TACC3: variants seen among roughly 807,000 people sequenced by gnomAD.
TACC3 encodes the protein transforming acidic coiled-coil-containing protein 3.
In TACC3, 52 loss-of-function variants were observed where a neutral mutation model predicts 86.0. That is an observed-to-expected ratio of 0.60 (90% CI 0.48 to 0.76). TACC3 has a LOEUF of 0.76. Among genes scored for constraint, TACC3 ranks in the 30% least tolerant of loss-of-function variants. The pLI, the probability that TACC3 is intolerant of heterozygous loss-of-function variation, is 0.00. For synonymous variants in TACC3, 512 were observed against 430.0 expected (o/e 1.19, Z -2.36); for missense variants, 1,120 against 1,070.4 (o/e 1.05, Z -0.65).
chr4:1,720,636 G>C, upstream of TACC3: 1 of 1,539,426 alleles, frequency 6.5e-7, no homozygotes, highest in Admixed American at 2.0e-5. The surrounding 1 kb of genome is among the most constrained non-coding windows in gnomAD (Gnocchi z 4.4). Context: ...GCCTCACCGA[G>C]CGGCAGCAGC....
rs1263785970 is a variant in TACC3 at position 1,744,606 on chromosome 4, CGGA to C, written c.2317_2319del (p.Glu773del). The C allele has an allele frequency of 7.4e-6, 12 of 1,613,002 alleles. No individual in the cohort carries two copies. Among genetic ancestry groups the C allele is most frequent in the Non-Finnish European group, 1.0e-5 (12 of 1,179,990 alleles). Reference sequence around the variant, plus strand: ...AGGTACCAAGCCCTGAAGGCCCACGCGGAGGAGAAGCTGCAGCTGTGAGTGCTG... The same window carrying C: ...AGGTACCAAGCCCTGAAGGCCCACGCGGAGAAGCTGCAGCTGTGAGTGCTG... On this transcript the variant is annotated inframe_deletion, in exon 14 of 16. Coordinates refer to ENST00000313288, the MANE Select transcript of TACC3 (RefSeq NM_006342.3).
intron 3 of TACC3, among the ~76,000 whole-genome samples, chr4:1,727,244 G>C (rs1170663113): frequency 2.6e-5 from 4 of 152,174 alleles, no homozygotes; most frequent in African/African-American, 4.8e-5. Flanking sequence ...AGGCATTTGG[G>C]TGTGCTGTCC....
At position 1,739,635 on chromosome 4, in the gene TACC3, C is replaced by T. The variant is rs185986480; in HGVS notation, c.1942-67C>T. ...ACCTCGGGTGCGGGCTGGCCCCATCCTGTGGGGAGGTCCTGGGAGGGTCAG... is the reference window on the plus strand; with the variant it reads ...ACCTCGGGTGCGGGCTGGCCCCATCTTGTGGGGAGGTCCTGGGAGGGTCAG... On this transcript the variant is annotated intron_variant, in intron 10 of 15. Transcript: ENST00000313288. 3.8e-4 allele frequency: 554 copies of T among 1,455,596 alleles called. 3 individuals carry two copies. In the East Asian group the frequency reaches 0.011, roughly 30 times the overall value. The allele number at this position is 1,455,596 out of a possible 1,614,324, so 90.2% of individuals were successfully genotyped here.
chr4:1,734,814 C>T (rs944241938), intron 6 of TACC3, among the ~76,000 whole-genome samples: 2 of 152,086 alleles, frequency 1.3e-5, no homozygotes, highest in Non-Finnish European at 2.9e-5. Context: ...GAGTGCAGCA[C>T]CGCGCCTAGC....
intron 3 of TACC3, among the ~76,000 whole-genome samples, chr4:1,726,564 G>C (rs1560295734): frequency 6.6e-6 from 1 of 152,222 alleles, no homozygotes. Flanking sequence ...GCAGATTAAA[G>C]TGTTATCGGA....
rs760226241 is a variant in TACC3, at chr4:1,735,242, C to T, written c.1592-31C>T. On this transcript the variant is annotated intron_variant, in intron 6 of 15. Transcript: ENST00000313288. The surrounding 1 kb of genome is among the most constrained non-coding windows in gnomAD (Gnocchi z 4.2). ...CCGCCCTTAGGGCCCTGGTGAGGGG[C>T]GATGGCGGCGGCATGATTCACTCCT... 3.9e-5 allele frequency: 63 copies of T among 1,613,284 alleles called. No homozygotes were observed. The highest frequency in any genetic ancestry group is 5.2e-5 in the Non-Finnish European group (61 of 1,179,902).
In TACC3 at chr4:1,739,792, GTCTCCTGTCCTCCCCGTCCCCA is replaced by G. The variant is rs780668830; in HGVS notation, c.2018+17_2018+38del. 1.3e-6 allele frequency: 2 copies of G among 1,580,618 alleles called. No homozygotes were observed. The highest frequency in any genetic ancestry group is 4.7e-5 in the East Asian group (2 of 42,908). On this transcript the variant is annotated intron_variant, in intron 11 of 15. Transcript: ENST00000313288. Reference sequence around the variant, plus strand: ...CCTGGAACTGGGGTAAGGAGGCCCCGTCTCCTGTCCTCCCCGTCCCCATCCCCCTCGCCATCCTTGTCCCCAT... The same window carrying G: ...CCTGGAACTGGGGTAAGGAGGCCCCGTCCCCCTCGCCATCCTTGTCCCCAT...
chr4:1,740,013 G>GGCCGCCCA lies in TACC3; in HGVS notation c.2062+12_2062+13insCCGCCCAG, dbSNP rs762035062. The stretch of plus-strand genomic sequence containing the variant: ...TGTACCAGGCCATGGGTGAGTGCCC[G>GGCCGCCCA]GGCCACCGAGGCCACGTGCCTCCAC... On this transcript the variant is annotated intron_variant, in intron 12 of 15. Coordinates refer to ENST00000313288, the MANE Select transcript of TACC3 (RefSeq NM_006342.3). The GGCCGCCCA allele has an allele frequency of 1.9e-6, 3 of 1,612,082 alleles. No homozygotes were observed. The highest frequency in any genetic ancestry group is 1.7e-6 in the Non-Finnish European group (2 of 1,179,400).
intron 3 of TACC3, among the ~76,000 whole-genome samples, chr4:1,724,740 G>T (rs923667183): frequency 1.3e-5 from 2 of 151,360 alleles, no homozygotes; most frequent in African/African-American, 4.9e-5. Context: ...ATGATTTTCT[G>T]TTGGTTTTTT....
In TACC3 at chr4:1,735,589, T is replaced by C; in HGVS notation, c.1645-142T>C. ...CTGTGCTGCTGGGAATGGTGGTGTC[T>C]CGGGCAGGGTTGTGGGTGACCGGGG... On this transcript the variant is annotated intron_variant, in intron 7 of 15. Transcript: ENST00000313288. This position sits in a 1 kb window ranked among gnomAD's most constrained non-coding sequence, Gnocchi z 4.2. The C allele has an allele frequency of 1.3e-6, 1 of 772,300 alleles. No individual in the cohort carries two copies. The highest frequency in any genetic ancestry group is 2.2e-6 in the Non-Finnish European group (1 of 446,784). 47.8% of individuals were successfully genotyped at this position (772,300 alleles called of 1,614,324 possible). A position where few individuals can be genotyped will look rare whatever the true frequency, so the allele number is the denominator to read the frequency against.
At chr4:1,739,885 C>T (rs531758836) in intron 11 of TACC3, 74 bp from the exon 12 acceptor site, 18 of 1,597,156 alleles carry the variant, frequency 1.1e-5, no homozygotes, top group Admixed American at 3.3e-5. Context: ...TCCCTGTCCC[C>T]GTCCCCATCC....
At chr4:1,732,622 C>T (rs1020586721) in intron 6 of TACC3, among the ~76,000 whole-genome samples, 10 of 152,222 alleles carry the variant, frequency 6.6e-5, no homozygotes, top group African/African-American at 1.4e-4. Context: ...TAGGGTTTGT[C>T]GCTGACAGGA....
intron 6 of TACC3, among the ~76,000 whole-genome samples, chr4:1,734,180 G>C (rs1302135258): frequency 6.6e-6 from 1 of 152,122 alleles, no homozygotes; most frequent in East Asian, 1.9e-4. Context: ...CTGTCTTAAA[G>C]TACCAGTTTG....
intron 3 of TACC3, among the ~76,000 whole-genome samples, chr4:1,727,126 G>A (rs1276209690): frequency 2.0e-5 from 3 of 149,968 alleles, no homozygotes; most frequent in Middle Eastern, 3.2e-3. Context: ...GCAAAAATCC[G>A]TCTCAAAAAA....
At chr4:1,737,379 G>A (rs1386452496) in intron 9 of TACC3, 51 bp downstream of exon 9, 4 of 1,563,830 alleles carry the variant, frequency 2.6e-6, no homozygotes, top group East Asian at 2.2e-5. Flanking sequence ...CTGAGGGAAC[G>A]AGTTGTTTTA....
intron 4 of TACC3, among the ~76,000 whole-genome samples, chr4:1,729,552 C>T (rs62285107): frequency 0.087 from 13,245 of 152,172 alleles, 830 homozygotes; most frequent in Non-Finnish European, 0.13. Flanking sequence ...GCAGCCAAGG[C>T]GGAGAGAGAG....
At position 1,728,210 on chromosome 4, in the gene TACC3, G is replaced by A. The variant is rs746612654; in HGVS notation, c.808G>A (p.Gly270Ser). ...CGGAPLQGLP[G>S]EALGCPAGVG... ...AGGAGCACCCCTGCAGGGTCTGCCTGGCGAAGCCCTGGGCTGCCCTGCGGG... is the reference window on the plus strand; with the variant it reads ...AGGAGCACCCCTGCAGGGTCTGCCTAGCGAAGCCCTGGGCTGCCCTGCGGG... Residue 270 changes from glycine (G) to serine (S), a missense_variant, in exon 4 of 16, where the codon GGC becomes AGC. Physicochemically the swap from Gly to Ser is moderately conservative, Grantham distance 56. Coordinates refer to ENST00000313288, the MANE Select transcript of TACC3 (RefSeq NM_006342.3). 2.5e-6 allele frequency: 4 copies of A among 1,611,958 alleles called. No homozygotes were observed. The highest frequency in any genetic ancestry group is 2.2e-5 in the South Asian group (2 of 90,966).
Position 1,733,573 on chromosome 4 carries a change from C to T in TACC3, c.1592-1700C>T, listed in dbSNP as rs527671402. Among the ~76,000 whole-genome samples, 7 of 152,076 alleles carry T rather than the reference C, an allele frequency of 4.6e-5. No individual in the cohort carries two copies. The East Asian group carries it at 7.7e-4, about 17-fold the overall frequency. ...GCTCGGGAAGCTGAGATGGGAGGCT[C>T]GCTTGAGCCAGGAGGTCAAGGCTGC... is the stretch of plus-strand genomic sequence containing the variant. On this transcript the variant is annotated intron_variant, in intron 6 of 15. Coordinates refer to ENST00000313288, the MANE Select transcript of TACC3 (RefSeq NM_006342.3).
rs761339570 is a variant in TACC3, at chr4:1,740,936, C to T, written c.2173C>T (p.Leu725Phe). 11 of 1,612,570 alleles carry T rather than the reference C, an allele frequency of 6.8e-6. No homozygotes were observed. Among genetic ancestry groups the T allele is most frequent in the African/African-American group, 1.3e-5 (1 of 74,856 alleles). The stretch of plus-strand genomic sequence containing the variant: ...CTCCATGGAGAAGTCCTTCTCCGAC[C>T]TCTTCAAGCGTTTTGAGAAACAGAA... ...LNSMEKSFSD[L>F]FKRFEKQKEV... Residue 725 changes from leucine to phenylalanine, a missense_variant, in exon 13 of 16, where the codon CTC becomes TTC. Physicochemically the swap from Leu to Phe is conservative, Grantham distance 22. Coordinates refer to ENST00000313288, the MANE Select transcript of TACC3 (RefSeq NM_006342.3).
Sources: allele counts gnomAD v4.1 joint callset (sites outside exome capture counted in the v4.1 genomes callset), GRCh38; gene constraint gnomAD v4.1.1; non-coding constraint Gnocchi (gnomAD v3.1); transcripts MANE v1.5; gene names NCBI Gene and HGNC (gene_info 2026-07-23, HGNC 2026-07-21).